The following PLXDC2 variants were observed in gnomAD, a reference collection of about 807,000 sequenced individuals.
PLXDC2 encodes the protein plexin domain containing 2.
A neutral mutation model predicts 68.9 loss-of-function variants in PLXDC2; 40 were observed. The observed-to-expected ratio is 0.58, with a 90% CI of 0.45 to 0.76. The LOEUF (loss-of-function observed/expected upper bound fraction) is 0.76, where lower values mean the gene tolerates loss of function less well. PLXDC2 is among the 30% of genes least tolerant of loss of function. The pLI is 0.00. For missense variants in PLXDC2, 644 were observed against 661.9 expected (o/e 0.97, Z 0.30); for synonymous variants, 243 against 234.2 (o/e 1.04, Z -0.34).
intron 1 of PLXDC2, among the ~76,000 whole-genome samples, chr10:19,953,908 T>C (rs746615709): frequency 6.6e-6 from 1 of 152,232 alleles, no homozygotes; most frequent in Non-Finnish European, 1.5e-5. Flanking sequence ...ATTGTTTTAA[T>C]TTCAAAGAGT....
chr10:20,177,158 A>C lies in PLXDC2; in HGVS notation c.979+64A>C. The C allele has an allele frequency of 2.9e-6, 4 of 1,395,306 alleles. No individual in the cohort carries two copies. In the South Asian group the frequency reaches 4.6e-5, roughly 16 times the overall value. 86.4% of individuals were successfully genotyped at this position (1,395,306 alleles called of 1,614,324 possible). On this transcript the variant is annotated intron_variant, in intron 8 of 13. Coordinates refer to ENST00000377252, the MANE Select transcript of PLXDC2 (RefSeq NM_032812.9). ...CTAAATTTGATGATCTGATCTGTTC[A>C]ATAGTTATAATAATCATATTAAATA...
At chr10:19,824,041 A>T (rs1836528224) in intron 1 of PLXDC2, among the ~76,000 whole-genome samples, 1 of 152,058 alleles carries the variant, frequency 6.6e-6, no homozygotes, top group Non-Finnish European at 1.5e-5. Context: ...TTGCTGTGGG[A>T]GCTGTTACAG....
At chr10:20,092,742 T>G (rs996982258) in intron 4 of PLXDC2, among the ~76,000 whole-genome samples, 1 of 151,944 alleles carries the variant, frequency 6.6e-6, no homozygotes, top group Admixed American at 6.6e-5. Context: ...TGTGCTGGAT[T>G]GTCAAGGTCA....
intron 4 of PLXDC2, among the ~76,000 whole-genome samples, chr10:20,116,247 C>T (rs1387604686): frequency 1.3e-5 from 2 of 152,120 alleles, no homozygotes; most frequent in Non-Finnish European, 2.9e-5. Flanking sequence ...GGAAAAATAA[C>T]CCTAAGATTC....
At chr10:20,254,119 T>C (rs1352474903) in intron 13 of PLXDC2, among the ~76,000 whole-genome samples, 2 of 152,208 alleles carry the variant, frequency 1.3e-5, no homozygotes, top group Admixed American at 6.5e-5. Context: ...CACAGCATCA[T>C]AGCAAGAGTC....
At chr10:20,146,972 A>G (rs1461847331) in intron 5 of PLXDC2, among the ~76,000 whole-genome samples, 1 of 152,194 alleles carries the variant, frequency 6.6e-6, no homozygotes, top group Non-Finnish European at 1.5e-5. Flanking sequence ...TCTAATATTT[A>G]GAGTGAAGAA....
At chr10:20,117,492 G>A (rs1211720856) in intron 4 of PLXDC2, among the ~76,000 whole-genome samples, 2 of 152,154 alleles carry the variant, frequency 1.3e-5, no homozygotes, top group Non-Finnish European at 2.9e-5. Context: ...ACACATTCAA[G>A]GCAGACAGTT....
At chr10:19,906,684 G>C (rs886228241) in intron 1 of PLXDC2, among the ~76,000 whole-genome samples, 1 of 152,008 alleles carries the variant, frequency 6.6e-6, no homozygotes, top group African/African-American at 2.4e-5. Context: ...TCCAGGAAGG[G>C]GCAGTTTCTC....
chr10:20,263,653 G>A (rs2119369416), intron 13 of PLXDC2, among the ~76,000 whole-genome samples: 1 of 152,218 alleles, frequency 6.6e-6, no homozygotes, highest in African/African-American at 2.4e-5. Context: ...ATTAAAAAGT[G>A]GGCAAAGTGG....
intron 1 of PLXDC2, among the ~76,000 whole-genome samples, chr10:19,944,069 G>T (rs1445024577): frequency 2.0e-5 from 3 of 152,158 alleles, no homozygotes; most frequent in African/African-American, 7.2e-5. Context: ...ACGATTTGAA[G>T]AATTTTAGAT....
At chr10:20,116,467 A>G (rs954607558) in intron 4 of PLXDC2, among the ~76,000 whole-genome samples, 1 of 151,986 alleles carries the variant, frequency 6.6e-6, no homozygotes, top group African/African-American at 2.4e-5. Context: ...GCAAAGTCAC[A>G]GTAAATCGAG....
Position 19,867,225 on chromosome 10 carries a change from C to A in PLXDC2, c.112+50034C>A, listed in dbSNP as rs532455540. Among the ~76,000 whole-genome samples the A allele has an allele frequency of 1.8e-4, 27 of 152,070 alleles. No individual in the cohort carries two copies. The South Asian group carries it at 2.1e-3, about 12-fold the overall frequency. ...GGATTATAGGTATCCACCACCACGC[C>A]CAGCTAATTTTGTATTTTTGGTGGA... is the stretch of plus-strand genomic sequence containing the variant. On this transcript the variant is annotated intron_variant, in intron 1 of 13. Coordinates refer to ENST00000377252, the MANE Select transcript of PLXDC2 (RefSeq NM_032812.9).
intron 3 of PLXDC2, among the ~76,000 whole-genome samples, chr10:20,057,138 G>A (rs1048172101): frequency 3.3e-5 from 5 of 152,086 alleles, no homozygotes; most frequent in African/African-American, 1.2e-4. Flanking sequence ...TAACATGAGT[G>A]TAAAACATAT....
At chr10:20,272,507 C>T (rs1391533694) in intron 13 of PLXDC2, among the ~76,000 whole-genome samples, 3 of 152,106 alleles carry the variant, frequency 2.0e-5, no homozygotes, top group African/African-American at 7.2e-5. Flanking sequence ...CCATGCCTCT[C>T]ATGGCAGCAT....
intron 13 of PLXDC2, among the ~76,000 whole-genome samples, chr10:20,262,977 G>A (rs1463255072): frequency 6.6e-6 from 1 of 152,248 alleles, no homozygotes; most frequent in African/African-American, 2.4e-5. Flanking sequence ...TGCCTTTGCA[G>A]TGGAACTGCC....
Position 20,271,213 on chromosome 10 carries a change from C to T in PLXDC2, c.1474-8490C>T, listed in dbSNP as rs573767700. ...TATACCATCCTAGAAAGCCACAAAA[C>T]GGAAAGCGTCAAGATTGAAGAGACA... is the stretch of plus-strand genomic sequence containing the variant. On this transcript the variant is annotated intron_variant, in intron 13 of 13. Coordinates refer to ENST00000377252, the MANE Select transcript of PLXDC2 (RefSeq NM_032812.9). Among the ~76,000 whole-genome samples, 21 of 150,926 alleles carry T rather than the reference C, an allele frequency of 1.4e-4. No homozygotes were observed. In the East Asian group the frequency reaches 2.9e-3, roughly 21 times the overall value.
At chr10:20,025,928 G>A (rs1225235346) in intron 2 of PLXDC2, among the ~76,000 whole-genome samples, 1 of 145,492 alleles carries the variant, frequency 6.9e-6, no homozygotes, top group Non-Finnish European at 1.5e-5. Flanking sequence ...ACAATTCTAA[G>A]CAATTTGTAT....
rs1393040739 is a variant in PLXDC2, at chr10:19,932,929, T to C, written c.113-68846T>C. Among the ~76,000 whole-genome samples the C allele has an allele frequency of 2.0e-5, 3 of 152,178 alleles. No individual in the cohort carries two copies. The East Asian group carries it at 5.8e-4, about 29-fold the overall frequency. On this transcript the variant is annotated intron_variant, in intron 1 of 13. Transcript: ENST00000377252. ...AGAACAGGGGACGGGATTTGGCATG[T>C]TCAGTTACCTTTTGTATTAGTCCTT...
At chr10:20,043,596 T>C (rs1835723013) in intron 2 of PLXDC2, among the ~76,000 whole-genome samples, 1 of 152,160 alleles carries the variant, frequency 6.6e-6, no homozygotes, top group Non-Finnish European at 1.5e-5. Context: ...ATATCTATTT[T>C]GTAATATTCC....
Sources: allele counts gnomAD v4.1 joint callset (sites outside exome capture counted in the v4.1 genomes callset), GRCh38; gene constraint gnomAD v4.1.1; transcripts MANE v1.5; gene names NCBI Gene and HGNC (gene_info 2026-07-23, HGNC 2026-07-21).